Variants in GALNT13 observed in about 807,000 individuals in gnomAD.
GALNT13 encodes the protein UDP-GalNAc:polypeptide N-acetylgalactosaminyltransferase 13.
In GALNT13, 28 loss-of-function variants were observed where a neutral mutation model predicts 64.2. That is an observed-to-expected ratio of 0.44 (90% confidence interval 0.32 to 0.60). The LOEUF is 0.60. GALNT13 is among the 20% of genes least tolerant of loss of function. The pLI, the probability that GALNT13 is intolerant of heterozygous loss-of-function variation, is 0.05. For missense variants in GALNT13, 577 were observed against 669.8 expected, an observed-to-expected ratio of 0.86 and a Z score of 1.53; for synonymous variants, 214 against 224.6, an observed-to-expected ratio of 0.95 and a Z score of 0.42.
chr2:154,112,173 C>T (rs1313783036), intron 3 of GALNT13, among the ~76,000 whole-genome samples: 3 of 152,306 alleles, frequency 2.0e-5, no homozygotes, highest in East Asian at 1.9e-4. Context: ...GTAATGGTGC[C>T]ATATGGAAAT....
chr2:153,603,061 AC>A, the GALNT13 span, among the ~76,000 whole-genome samples: 5 of 151,798 alleles, frequency 3.3e-5, no homozygotes, highest in Admixed American at 1.3e-4. Flanking sequence ...CTACTATTCC[AC>A]CGTATTCCAT....
intron 9 of GALNT13, among the ~76,000 whole-genome samples, chr2:154,389,844 T>C (rs1281760813): frequency 6.6e-6 from 1 of 151,370 alleles, no homozygotes; most frequent in Admixed American, 6.6e-5. Flanking sequence ...AAAACAGGAA[T>C]TAGTGAGGGG....
At chr2:154,111,066 C>T (rs570968607) in intron 3 of GALNT13, among the ~76,000 whole-genome samples, 2 of 151,968 alleles carry the variant, frequency 1.3e-5, no homozygotes, top group South Asian at 2.1e-4. Flanking sequence ...ATGTTTTTAA[C>T]AAAAGAAGGA....
At chr2:153,268,604 G>A in the GALNT13 span, among the ~76,000 whole-genome samples, 58 of 152,194 alleles carry the variant, frequency 3.8e-4, no homozygotes, top group African/African-American at 1.3e-3. Context: ...ACCCAGTGGG[G>A]ACCTGTATGG....
intron 4 of GALNT13, among the ~76,000 whole-genome samples, chr2:154,164,224 G>A (rs2193779): frequency 0.76 from 115,926 of 151,966 alleles, 44,595 homozygotes; most frequent in East Asian, 0.96. Context: ...GTGAATCTAG[G>A]AATTCACAAT....
chr2:153,322,038 C>G, the GALNT13 span, among the ~76,000 whole-genome samples: 1 of 147,362 alleles, frequency 6.8e-6, no homozygotes, highest in African/African-American at 2.5e-5. Flanking sequence ...TTTTTTTCAA[C>G]TTTTGTTTTA....
the GALNT13 span, among the ~76,000 whole-genome samples, chr2:153,623,916 A>G: frequency 6.6e-6 from 1 of 152,100 alleles, no homozygotes. Flanking sequence ...GAGCCAATAT[A>G]CAAATTGGCT....
the GALNT13 span, among the ~76,000 whole-genome samples, chr2:153,603,807 G>C: frequency 6.6e-6 from 1 of 151,904 alleles, no homozygotes; most frequent in East Asian, 1.9e-4. Flanking sequence ...AGAGCCCAAG[G>C]CTTAGCTGTC....
the GALNT13 span, among the ~76,000 whole-genome samples, chr2:153,846,256 T>C: frequency 1.3e-5 from 2 of 152,146 alleles, no homozygotes; most frequent in South Asian, 4.1e-4. Context: ...TAATTGTTTC[T>C]GGTGTTTAAA....
chr2:153,725,205 A>G, the GALNT13 span, among the ~76,000 whole-genome samples: 8 of 146,806 alleles, frequency 5.4e-5, no homozygotes, highest in East Asian at 1.4e-3. Flanking sequence ...CTATCGCAAG[A>G]ACAAAAAACC....
the GALNT13 span, among the ~76,000 whole-genome samples, chr2:153,196,662 C>T: frequency 6.6e-6 from 1 of 151,928 alleles, no homozygotes; most frequent in Admixed American, 6.6e-5. Flanking sequence ...GGGGCAGGGG[C>T]TCCAGGTTCT....
chr2:154,173,541 AT>A (rs1455928352), intron 4 of GALNT13, among the ~76,000 whole-genome samples: 1 of 152,006 alleles, frequency 6.6e-6, no homozygotes, highest in East Asian at 1.9e-4. Flanking sequence ...CCAAAGAAAA[AT>A]AGACAAATGA....
the GALNT13 span, among the ~76,000 whole-genome samples, chr2:153,071,215 A>G: frequency 6.6e-6 from 1 of 152,366 alleles, no homozygotes; most frequent in African/African-American, 2.4e-5. Flanking sequence ...TTATGTGAGT[A>G]AAAACACAAG....
chr2:153,259,662 CT>C, the GALNT13 span, among the ~76,000 whole-genome samples: 460 of 152,226 alleles, frequency 3.0e-3, 4 homozygotes, highest in African/African-American at 0.011. Context: ...GGTCTCTTCC[CT>C]GCTGCCATGT....
the GALNT13 span, among the ~76,000 whole-genome samples, chr2:153,265,223 G>A: frequency 6.6e-6 from 1 of 152,164 alleles, no homozygotes; most frequent in Non-Finnish European, 1.5e-5. Context: ...CATGGGCTCT[G>A]AGCCCAGCAC....
the GALNT13 span, among the ~76,000 whole-genome samples, chr2:153,821,878 C>T: frequency 2.3e-4 from 35 of 152,110 alleles, no homozygotes; most frequent in Non-Finnish European, 4.3e-4. Flanking sequence ...CACATAACCA[C>T]AACCAGAAAT....
At chr2:153,495,217 C>G in the GALNT13 span, among the ~76,000 whole-genome samples, 5 of 152,000 alleles carry the variant, frequency 3.3e-5, no homozygotes, top group East Asian at 5.8e-4. Flanking sequence ...TGGTACAATC[C>G]TTTAGAAATC....
chr2:153,311,807 C>T, the GALNT13 span, among the ~76,000 whole-genome samples: 1 of 152,198 alleles, frequency 6.6e-6, no homozygotes, highest in East Asian at 1.9e-4. Flanking sequence ...CTGCCATACT[C>T]TATTCTTTTG....
chr2:153,777,484 A>G, the GALNT13 span, among the ~76,000 whole-genome samples: 1 of 152,172 alleles, frequency 6.6e-6, no homozygotes, highest in African/African-American at 2.4e-5. Context: ...TGATCAGGTC[A>G]TGAGGCCTCC....
Sources: allele counts gnomAD v4.1 joint callset (sites outside exome capture counted in the v4.1 genomes callset), GRCh38; gene constraint gnomAD v4.1.1; transcripts MANE v1.5; gene names NCBI Gene and HGNC (gene_info 2026-07-23, HGNC 2026-07-21).